SALL3: variants seen among roughly 807,000 people sequenced by gnomAD.
SALL3 encodes spalt like transcription factor 3.
A neutral mutation model predicts 66.2 loss-of-function variants in SALL3; 25 were observed. The observed-to-expected ratio is 0.38, with a 90% CI of 0.28 to 0.53. The LOEUF (loss-of-function observed/expected upper bound fraction) is 0.53, where lower values mean the gene tolerates loss of function less well. Ranked by LOEUF, SALL3 falls within the 20% of genes least tolerant of loss-of-function variation. SALL3 has a pLI of 0.85. For missense variants in SALL3, 2,194 were observed against 1,916.5 expected (o/e 1.14, Z -2.70); for synonymous variants, 1,152 against 899.1 (o/e 1.28, Z -5.03).
At chr18:78,995,526 C>T in intron 2 of SALL3, 64 bp downstream of exon 2, 1 of 1,489,502 alleles carries the variant, frequency 6.7e-7, no homozygotes, top group Non-Finnish European at 8.9e-7. Context: ...CTTTCTCCAT[C>T]ACCTGCCGCA....
chr18:78,996,409 G>T (rs747788704), intron 2 of SALL3, among the ~76,000 whole-genome samples: 1 of 152,224 alleles, frequency 6.6e-6, no homozygotes, highest in Non-Finnish European at 1.5e-5. Context: ...TGCCCGCAGG[G>T]CCTGCTGGCA....
At position 78,993,542 on chromosome 18, in the gene SALL3, C is replaced by A. The variant is rs758119384; in HGVS notation, c.1551C>A (p.Pro517=). The stretch of plus-strand genomic sequence containing the variant: ...TGACCACCTGGCTGGACAGCAAGCC[C>A]GTGCTGCCCACCGTGCCCACGTCCG... The part of the protein sequence containing the change: ...KPVTTWLDSK[P]VLPTVPTSVG... Residue 517 remains proline (P), a synonymous_variant, in exon 2 of 3, where the codon CCC becomes CCA. Coordinates refer to ENST00000537592, the MANE Select transcript of SALL3 (RefSeq NM_171999.4). The A allele has an allele frequency of 2.2e-5, 35 of 1,595,120 alleles. 1 individual carries two copies. The South Asian group carries it at 3.9e-4, about 18-fold the overall frequency.
intron 1 of SALL3, among the ~76,000 whole-genome samples, chr18:78,984,352 C>T (rs368818578): frequency 6.6e-6 from 1 of 152,308 alleles, no homozygotes. Context: ...AAATCTTTTT[C>T]ACTTCTAATG....
Position 78,989,289 on chromosome 18 carries a change from T to C in SALL3, c.83-2785T>C, listed in dbSNP as rs117715611. On this transcript the variant is annotated intron_variant, in intron 1 of 2. Transcript: ENST00000537592. ...AAGTGAACCCTAAAAATATTTAACA[T>C]ATTTAAAAAAAACTAATGGGAATGT... is the stretch of plus-strand genomic sequence containing the variant. Among the ~76,000 whole-genome samples, 655 of 152,232 alleles carry C rather than the reference T, an allele frequency of 4.3e-3. 6 individuals carry two copies. The highest frequency in any genetic ancestry group is 6.8e-3 in the Middle Eastern group (2 of 294).
At position 78,992,350 on chromosome 18, in the gene SALL3, C is replaced by T; in HGVS notation, c.359C>T (p.Ala120Val). Reference sequence around the variant, plus strand: ...GCCGAGGAGGCGGGTGCGGAGGGCGCGGAGGGCGAGGCCAGGCCGGTGGAG... The same window carrying T: ...GCCGAGGAGGCGGGTGCGGAGGGCGTGGAGGGCGAGGCCAGGCCGGTGGAG... The part of the protein sequence containing the change: ...EAAEEAGAEG[A>V]EGEARPVEKE... The change falls in exon 2 of 3, where the codon GCG (alanine) becomes GTG (valine). Residue 120 changes from alanine (A) to valine (V), a missense_variant. By Grantham distance (64) the Ala-to-Val change is moderately conservative. Coordinates refer to ENST00000537592, the MANE Select transcript of SALL3 (RefSeq NM_171999.4). 1 of 1,373,970 alleles carries T rather than the reference C, an allele frequency of 7.3e-7. No homozygotes were observed. Among genetic ancestry groups the T allele is most frequent in the Non-Finnish European group, 9.3e-7 (1 of 1,071,806 alleles). 85.1% of individuals were successfully genotyped at this position (1,373,970 alleles called of 1,614,324 possible).
At chr18:78,996,839 C>G in intron 2 of SALL3, 52 bp from the exon 3 acceptor site, 1 of 1,524,220 alleles carries the variant, frequency 6.6e-7, no homozygotes, top group Non-Finnish European at 8.9e-7. Context: ...CGGAGCAGCT[C>G]TGCCTCCGTG....
intron 1 of SALL3, among the ~76,000 whole-genome samples, chr18:78,990,257 A>G (rs1161565410): frequency 1.1e-4 from 16 of 152,208 alleles, no homozygotes; most frequent in Admixed American, 1.0e-3. Flanking sequence ...TCCTCCATAC[A>G]GTAATGAGAC....
chr18:78,988,735 A>C (rs1914329114), intron 1 of SALL3, among the ~76,000 whole-genome samples: 1 of 152,104 alleles, frequency 6.6e-6, no homozygotes, highest in Non-Finnish European at 1.5e-5. Context: ...ATAGTGAGAC[A>C]CAGTCACAGC....
Position 78,995,320 on chromosome 18 carries a change from C to G in SALL3, c.3329C>G (p.Pro1110Arg), listed in dbSNP as rs1914653378. The G allele has an allele frequency of 6.4e-7, 1 of 1,569,060 alleles. No homozygotes were observed. The highest frequency in any genetic ancestry group is 8.6e-7 in the Non-Finnish European group (1 of 1,163,188). The change falls in exon 2 of 3, where the codon CCC (proline) becomes CGC (arginine). Residue 1110 changes from proline (P) to arginine (R), a missense_variant. Coordinates refer to ENST00000537592, the MANE Select transcript of SALL3 (RefSeq NM_171999.4). ...CTGGCCCCCCCACCGCGCCGGACGC[C>G]CAAGCAGCACAACTGCCAGTCGTGC... ...PMLAPPPRRT[P>R]KQHNCQSCGK...
Position 78,993,195 on chromosome 18 carries a change from C to G in SALL3, c.1204C>G (p.Pro402Ala), listed in dbSNP as rs756668897. The G allele has an allele frequency of 3.1e-6, 5 of 1,611,048 alleles. No homozygotes were observed. Among genetic ancestry groups the G allele is most frequent in the East Asian group, 2.2e-5 (1 of 44,814 alleles). The change falls in exon 2 of 3, where the codon CCC becomes GCC. Residue 402 changes from proline (P) to alanine (A), a missense_variant. By Grantham distance (27) the Pro-to-Ala change is conservative (BLOSUM62 -1). Coordinates refer to ENST00000537592, the MANE Select transcript of SALL3 (RefSeq NM_171999.4). Reference sequence around the variant, plus strand: ...CATGAAGCACCGCAAGGGCAAGCCGCCCAATGTGTCGGTGTTCGAGCCCAA... The same window carrying G: ...CATGAAGCACCGCAAGGGCAAGCCGGCCAATGTGTCGGTGTTCGAGCCCAA... ...ALMKHRKGKP[P>A]NVSVFEPKAS...
Position 78,995,092 on chromosome 18 carries a change from C to T in SALL3, c.3101C>T (p.Ser1034Phe), listed in dbSNP as rs1301632078. The T allele has an allele frequency of 2.5e-6, 4 of 1,613,914 alleles. No homozygotes were observed. Among genetic ancestry groups the T allele is most frequent in the South Asian group, 1.1e-5 (1 of 91,082 alleles). The stretch of plus-strand genomic sequence containing the variant: ...ACACACAGATTGAAAGAGCTGCCTT[C>T]TCAGTTATTTGACCCCAACTTTGCT... ...LLTHRLKELP[S>F]QLFDPNFALG... The change falls in exon 2 of 3, where the codon TCT becomes TTT. Residue 1034 changes from serine to phenylalanine, a missense_variant. Physicochemically the swap from Ser to Phe is radical, Grantham distance 155. Coordinates refer to ENST00000537592, the MANE Select transcript of SALL3 (RefSeq NM_171999.4).
rs746663442 is a variant in SALL3 at position 78,994,282 on chromosome 18, G to A, written c.2291G>A (p.Gly764Asp). 13 of 1,613,742 alleles carry A rather than the reference G, an allele frequency of 8.1e-6. No individual in the cohort carries two copies. The highest frequency in any genetic ancestry group is 1.1e-5 in the Non-Finnish European group (13 of 1,180,006). ...CAGCACATCCGCATGCACATGGGCG[G>A]CCAGATCCCCAACACGCCGCTGCCG... ...LQQHIRMHMG[G>D]QIPNTPLPEG... is the part of the protein sequence containing the mutation. The change falls in exon 2 of 3, where the codon GGC becomes GAC. Residue 764 changes from glycine to aspartate, a missense_variant. Coordinates refer to ENST00000537592, the MANE Select transcript of SALL3 (RefSeq NM_171999.4).
intron 1 of SALL3, among the ~76,000 whole-genome samples, chr18:78,985,261 C>T (rs557459853): frequency 3.3e-5 from 5 of 152,318 alleles, no homozygotes; most frequent in East Asian, 1.9e-4. Flanking sequence ...AGAGATCCCG[C>T]GAGCTTGCGC....
chr18:78,983,142 TAA>T (rs1393821874), intron 1 of SALL3, among the ~76,000 whole-genome samples: 3 of 151,062 alleles, frequency 2.0e-5, no homozygotes, highest in Non-Finnish European at 4.4e-5. Flanking sequence ...AAAAAAAAAT[TAA>T]GTCATTGAGA....
chr18:78,989,381 T>C (rs1027658028), intron 1 of SALL3, among the ~76,000 whole-genome samples: 1 of 152,214 alleles, frequency 6.6e-6, no homozygotes, highest in Non-Finnish European at 1.5e-5. Context: ...AAGCACAAGA[T>C]CTTTGTGAAA....
chr18:78,988,657 CG>C (rs1165569633), intron 1 of SALL3, among the ~76,000 whole-genome samples: 2 of 152,070 alleles, frequency 1.3e-5, no homozygotes, highest in African/African-American at 4.8e-5. Flanking sequence ...TTCTTTTATT[CG>C]GGGCTATGTT....
rs888980455 is a variant in SALL3 at position 78,994,035 on chromosome 18, G to A, written c.2044G>A (p.Val682Ile). 3 of 1,612,728 alleles carry A rather than the reference G, an allele frequency of 1.9e-6. No individual in the cohort carries two copies. The highest frequency in any genetic ancestry group is 2.5e-6 in the Non-Finnish European group (3 of 1,179,926). ...DKKMTDPNQC[V>I]ICHRVLSCQS... ...GAAGATGACGGACCCGAACCAGTGC[G>A]TCATCTGCCACCGGGTGCTGAGCTG... The change falls in exon 2 of 3, where the codon GTC (valine) becomes ATC (isoleucine). Residue 682 changes from valine to isoleucine, a missense_variant. Transcript: ENST00000537592.
intron 1 of SALL3, among the ~76,000 whole-genome samples, chr18:78,982,600 A>G (rs1302970085): frequency 6.6e-6 from 1 of 152,212 alleles, no homozygotes; most frequent in East Asian, 1.9e-4. Context: ...ACTCGGTCGC[A>G]CTCAGCATCG....
At position 78,992,098 on chromosome 18, in the gene SALL3, A is replaced by G; in HGVS notation, c.107A>G (p.Asp36Gly). Residue 36 changes from aspartate (D) to glycine (G), a missense_variant, in exon 2 of 3, where the codon GAC (aspartate) becomes GGC (glycine). By Grantham distance (94) the Asp-to-Gly change is moderately conservative (BLOSUM62 -1). Coordinates refer to ENST00000537592, the MANE Select transcript of SALL3 (RefSeq NM_171999.4). ...GCCGCCCCGGGGGAAGGTGCGGAGG[A>G]CGCAGACAGCGGGCCCGAGAGCCGC... ...EHAAPGEGAE[D>G]ADSGPESRSG... 1 of 1,568,202 alleles carries G rather than the reference A, an allele frequency of 6.4e-7. No individual in the cohort carries two copies. The highest frequency in any genetic ancestry group is 8.6e-7 in the Non-Finnish European group (1 of 1,157,018).
Sources: allele counts gnomAD v4.1 joint callset (sites outside exome capture counted in the v4.1 genomes callset), GRCh38; gene constraint gnomAD v4.1.1; transcripts MANE v1.5; gene names NCBI Gene and HGNC (gene_info 2026-07-23, HGNC 2026-07-21).